Variants in MBNL2 observed in about 807,000 individuals in gnomAD.
The protein encoded by MBNL2 is muscleblind like splicing regulator 2, also known as muscleblind-like protein 2.
A neutral mutation model predicts 41.9 loss-of-function variants in MBNL2; 17 were observed. The ratio of observed to expected loss-of-function variants is 0.41; its 90% CI spans 0.28 to 0.61. The LOEUF is 0.61. Ranked by LOEUF, MBNL2 falls within the 20% of genes least tolerant of loss-of-function variation. The pLI is 0.35. For missense variants in MBNL2, 336 were observed against 505.6 expected (o/e 0.66, Z 3.22); for synonymous variants, 195 against 182.9 (o/e 1.07, Z -0.53).
intron 2 of MBNL2, among the ~76,000 whole-genome samples, chr13:97,328,726 A>G (rs2060124904): frequency 6.6e-6 from 1 of 152,198 alleles, no homozygotes; most frequent in Non-Finnish European, 1.5e-5. Context: ...TGCTTTTCCC[A>G]TGAAAAACTA....
At chr13:97,176,239 A>G in the MBNL2 span, among the ~76,000 whole-genome samples, 1 of 152,220 alleles carries the variant, frequency 6.6e-6, no homozygotes, top group East Asian at 1.9e-4. Context: ...TTAAGTCTGT[A>G]TAGTACCCCT....
At chr13:97,283,680 C>A (rs1187490393) in intron 2 of MBNL2, among the ~76,000 whole-genome samples, 3 of 152,116 alleles carry the variant, frequency 2.0e-5, no homozygotes, top group African/African-American at 7.2e-5. Context: ...AAATCTTCAT[C>A]TTAAGAGAAG....
chr13:97,364,319 G>A (rs1010127085), intron 7 of MBNL2, among the ~76,000 whole-genome samples: 7 of 152,178 alleles, frequency 4.6e-5, no homozygotes, highest in Non-Finnish European at 1.0e-4. Context: ...TAGTAGTCAT[G>A]ACCAAATTCC....
At chr13:97,157,005 AT>A in the MBNL2 span, among the ~76,000 whole-genome samples, 1 of 149,678 alleles carries the variant, frequency 6.7e-6, no homozygotes, top group Non-Finnish European at 1.5e-5. Context: ...TTTTCACGAT[AT>A]TGATTCTTCC....
chr13:97,255,677 T>C (rs1455473682), intron 1 of MBNL2, among the ~76,000 whole-genome samples: 4 of 152,232 alleles, frequency 2.6e-5, no homozygotes, highest in Admixed American at 1.3e-4. Context: ...TTTTACATTT[T>C]CCCACTTTGC....
At chr13:97,171,917 T>C in the MBNL2 span, among the ~76,000 whole-genome samples, 58,751 of 152,074 alleles carry the variant, frequency 0.39, 12,986 homozygotes, top group Admixed American at 0.52. Context: ...GCTCTCATTC[T>C]CTCTTTGCCT....
intron 8 of MBNL2, among the ~76,000 whole-genome samples, chr13:97,370,958 C>A (rs1412672621): frequency 6.6e-6 from 1 of 151,902 alleles, no homozygotes; most frequent in Non-Finnish European, 1.5e-5. Flanking sequence ...TGACCAAGGA[C>A]CAGAATATGT....
At chr13:97,301,290 A>G (rs1229493325) in intron 2 of MBNL2, among the ~76,000 whole-genome samples, 2 of 152,218 alleles carry the variant, frequency 1.3e-5, no homozygotes, top group Non-Finnish European at 2.9e-5. Context: ...CATTATTAAA[A>G]TAGGTACCCT....
chr13:97,218,413 A>T (rs9516873), upstream of MBNL2, among the ~76,000 whole-genome samples: 2 of 131,710 alleles, frequency 1.5e-5, no homozygotes, highest in African/African-American at 5.7e-5. Flanking sequence ...CTGTCTCAAA[A>T]AAAAACAAAA....
chr13:97,274,773 AG>A (rs1274899478), intron 1 of MBNL2, among the ~76,000 whole-genome samples: 1 of 152,228 alleles, frequency 6.6e-6, no homozygotes, highest in African/African-American at 2.4e-5. Context: ...AAAAGTTAAA[AG>A]AAACTGAAGG....
intron 2 of MBNL2, among the ~76,000 whole-genome samples, chr13:97,306,967 T>C (rs904663844): frequency 6.6e-5 from 10 of 152,204 alleles, no homozygotes; most frequent in African/African-American, 2.4e-4. Flanking sequence ...TCACTCAGTG[T>C]TCATGAAGTC....
the MBNL2 span, among the ~76,000 whole-genome samples, chr13:97,208,382 G>A: frequency 1.3e-5 from 2 of 152,186 alleles, no homozygotes; most frequent in Non-Finnish European, 2.9e-5. Flanking sequence ...TGTGACTTAG[G>A]CAGGGGACAA....
chr13:97,255,253 A>T (rs528208046), intron 1 of MBNL2, among the ~76,000 whole-genome samples: 74 of 152,344 alleles, frequency 4.9e-4, no homozygotes, highest in Middle Eastern at 3.4e-3. Context: ...TTAATTATCT[A>T]AAAAAGTCTT....
intron 5 of MBNL2, among the ~76,000 whole-genome samples, chr13:97,347,858 C>T (rs991639027): frequency 6.6e-6 from 1 of 152,136 alleles, no homozygotes; most frequent in Non-Finnish European, 1.5e-5. Flanking sequence ...AATCCTCAGC[C>T]TCACCCCAGA....
chr13:97,256,375 C>T (rs577592950), intron 1 of MBNL2, among the ~76,000 whole-genome samples: 1 of 150,522 alleles, frequency 6.6e-6, no homozygotes, highest in East Asian at 1.9e-4. Flanking sequence ...AATATTGGAA[C>T]TACTATTTGT....
intron 2 of MBNL2, among the ~76,000 whole-genome samples, chr13:97,299,670 A>ATCTATCTATCTG (rs2057420472): frequency 6.6e-6 from 1 of 151,932 alleles, no homozygotes; most frequent in Non-Finnish European, 1.5e-5. Context: ...CTATCTATCT[A>ATCTATCTATCTG]TCTATCTATC....
the MBNL2 span, among the ~76,000 whole-genome samples, chr13:97,203,517 G>A: frequency 2.6e-5 from 4 of 152,088 alleles, no homozygotes; most frequent in Admixed American, 6.6e-5. Context: ...AGGTCTTTGT[G>A]CTGGCTTTCC....
chr13:97,277,061 A>C (rs1191681604), intron 2 of MBNL2, among the ~76,000 whole-genome samples: 1 of 152,194 alleles, frequency 6.6e-6, no homozygotes, highest in Non-Finnish European at 1.5e-5. Flanking sequence ...GCCTTGTGGG[A>C]GGAACAGACA....
At chr13:97,316,262 T>G (rs1434003578) in intron 2 of MBNL2, among the ~76,000 whole-genome samples, 1 of 152,144 alleles carries the variant, frequency 6.6e-6, no homozygotes, top group Non-Finnish European at 1.5e-5. Flanking sequence ...TCCACCTTCC[T>G]CCACTGCCAG....
Sources: allele counts gnomAD v4.1 joint callset (sites outside exome capture counted in the v4.1 genomes callset), GRCh38; gene constraint gnomAD v4.1.1; transcripts MANE v1.5; gene names NCBI Gene and HGNC (gene_info 2026-07-23, HGNC 2026-07-21).